Variants in ROBO2 observed in about 807,000 individuals in gnomAD.
ROBO2 encodes roundabout guidance receptor 2, also known as roundabout homolog 2.
In ROBO2, 53 loss-of-function variants were observed where a neutral mutation model predicts 160.8. The observed-to-expected ratio is 0.33, with a 90% CI of 0.26 to 0.41. ROBO2 has a LOEUF of 0.41. ROBO2 is among the 10% of genes least tolerant of loss of function. The pLI is 1.00. For synonymous variants in ROBO2, 664 were observed against 611.7 expected (o/e 1.09, Z -1.26); for missense variants, 1,577 against 1,722.4 (o/e 0.92, Z 1.49).
At chr3:76,487,789 G>A (rs1210124147) in intron 2 of ROBO2, among the ~76,000 whole-genome samples, 1 of 152,154 alleles carries the variant, frequency 6.6e-6, no homozygotes, top group Non-Finnish European at 1.5e-5. Flanking sequence ...GCAGTTGTAG[G>A]ACTGAATTCC....
At chr3:75,920,600 G>T (rs1304596646) in intron 1 of ROBO2, among the ~76,000 whole-genome samples, 2 of 152,094 alleles carry the variant, frequency 1.3e-5, no homozygotes, top group African/African-American at 4.8e-5. Flanking sequence ...TTCCTGTCCT[G>T]TTGATCTGTC....
chr3:76,635,161 G>A (rs2090260433), intron 2 of ROBO2, among the ~76,000 whole-genome samples: 2 of 152,116 alleles, frequency 1.3e-5, no homozygotes, highest in African/African-American at 2.4e-5. Flanking sequence ...TTTTGCTGCC[G>A]TATGACTTAG....
chr3:76,622,989 T>C (rs1338734063), intron 2 of ROBO2, among the ~76,000 whole-genome samples: 1 of 152,198 alleles, frequency 6.6e-6, no homozygotes, highest in East Asian at 1.9e-4. Flanking sequence ...CTTGCAATCT[T>C]ACCCTTTCTC....
intron 2 of ROBO2, among the ~76,000 whole-genome samples, chr3:76,961,378 A>C (rs1310929587): frequency 6.6e-6 from 1 of 150,966 alleles, no homozygotes; most frequent in Non-Finnish European, 1.5e-5. Context: ...TTTTTCAGAG[A>C]GGGTTCACAG....
At chr3:77,371,479 G>A (rs1432002695) in intron 2 of ROBO2, among the ~76,000 whole-genome samples, 2 of 152,060 alleles carry the variant, frequency 1.3e-5, no homozygotes, top group Non-Finnish European at 2.9e-5. Context: ...CATTATAAAT[G>A]AGAACTTACA....
At chr3:76,695,930 A>C (rs571983887) in intron 2 of ROBO2, among the ~76,000 whole-genome samples, 1 of 152,176 alleles carries the variant, frequency 6.6e-6, no homozygotes, top group Non-Finnish European at 1.5e-5. Flanking sequence ...TTTTTTTAAA[A>C]ATACCTTCAT....
At chr3:76,622,238 G>GGAAAGA (rs2089196607) in intron 2 of ROBO2, among the ~76,000 whole-genome samples, 1 of 88,170 alleles carries the variant, frequency 1.1e-5, no homozygotes, top group Non-Finnish European at 2.3e-5. Flanking sequence ...AAGGAAGGAA[G>GGAAAGA]AAAGAAAGAA....
At chr3:77,162,701 A>T (rs1248555636) in intron 2 of ROBO2, among the ~76,000 whole-genome samples, 1 of 152,226 alleles carries the variant, frequency 6.6e-6, no homozygotes, top group African/African-American at 2.4e-5. Context: ...TTATGTATTT[A>T]TTCTTTCCTC....
At chr3:76,708,300 G>A (rs921289799) in intron 2 of ROBO2, among the ~76,000 whole-genome samples, 1 of 152,152 alleles carries the variant, frequency 6.6e-6, no homozygotes, top group Non-Finnish European at 1.5e-5. Context: ...GGATACCTAT[G>A]AATTTACCAA....
At chr3:77,268,691 G>T (rs994313611) in intron 2 of ROBO2, among the ~76,000 whole-genome samples, 5 of 152,318 alleles carry the variant, frequency 3.3e-5, no homozygotes, top group African/African-American at 9.6e-5. Context: ...GGAGCAGAAG[G>T]TGTCTTCCTT....
In ROBO2 at chr3:76,304,732, CT is replaced by C. The variant is rs1162159149; in HGVS notation, c.109+367134del. 6.6e-3 allele frequency among the ~76,000 whole-genome samples: 185 copies of C among 27,906 alleles called. 1 individual carries two copies. The highest frequency in any genetic ancestry group is 0.026 in the East Asian group (57 of 2,226). The allele number at this position is 27,906 out of a possible 152,430, so 18.3% of individuals were successfully genotyped here. ...TTTCTTTCTCTTTCTTTCTTTCTTT[CT>C]TTTCTTTTCTTTCCTTCTTTCTTTC... On this transcript the variant is annotated intron_variant, in intron 2 of 26. Coordinates refer to the ROBO2 transcript ENST00000487694.
At chr3:76,713,134 G>C (rs1393743429) in intron 2 of ROBO2, among the ~76,000 whole-genome samples, 1 of 152,100 alleles carries the variant, frequency 6.6e-6, no homozygotes, top group Non-Finnish European at 1.5e-5. Context: ...ACATCATATG[G>C]GATGAGTGTT....
chr3:77,483,925 C>T (rs2085011559), intron 4 of ROBO2, among the ~76,000 whole-genome samples: 1 of 151,524 alleles, frequency 6.6e-6, no homozygotes, highest in Non-Finnish European at 1.5e-5. Flanking sequence ...AAAGAATTTT[C>T]TGAATTCTTC....
intron 1 of ROBO2, among the ~76,000 whole-genome samples, chr3:75,931,663 A>G (rs1441875590): frequency 6.6e-6 from 1 of 152,094 alleles, no homozygotes; most frequent in African/African-American, 2.4e-5. Flanking sequence ...AAATTAATAT[A>G]TCTATATATA....
At chr3:76,623,364 T>C (rs2089367843) in intron 2 of ROBO2, among the ~76,000 whole-genome samples, 1 of 152,198 alleles carries the variant, frequency 6.6e-6, no homozygotes, top group South Asian at 2.1e-4. Flanking sequence ...ATGAGTCTCA[T>C]TGGTTCTAAT....
chr3:76,907,074 A>G (rs1366409471), intron 2 of ROBO2, among the ~76,000 whole-genome samples: 2 of 152,034 alleles, frequency 1.3e-5, no homozygotes, highest in African/African-American at 4.8e-5. Context: ...CTCTATCCCC[A>G]AGTGTCTATA....
intron 2 of ROBO2, among the ~76,000 whole-genome samples, chr3:76,130,623 A>G (rs2071188960): frequency 6.6e-6 from 1 of 152,110 alleles, no homozygotes. Flanking sequence ...CCCCACTGAT[A>G]TCTTCTTACA....
intron 2 of ROBO2, among the ~76,000 whole-genome samples, chr3:77,221,710 A>G (rs1224343771): frequency 1.3e-5 from 2 of 152,298 alleles, no homozygotes; most frequent in Admixed American, 6.5e-5. Context: ...GGCAGTTTGG[A>G]AAAGATCTAT....
chr3:77,280,367 G>C (rs1044872850), intron 2 of ROBO2, among the ~76,000 whole-genome samples: 3 of 152,068 alleles, frequency 2.0e-5, no homozygotes, highest in Non-Finnish European at 4.4e-5. Flanking sequence ...TTAAATCTAG[G>C]GTTGATAAAT....
Sources: allele counts gnomAD v4.1 joint callset (sites outside exome capture counted in the v4.1 genomes callset), GRCh38; gene constraint gnomAD v4.1.1; transcripts MANE v1.5; gene names NCBI Gene and HGNC (gene_info 2026-07-23, HGNC 2026-07-21).